LRRC4C: variants seen among roughly 807,000 people sequenced by gnomAD.
The protein encoded by LRRC4C is leucine rich repeat containing 4C, also known as leucine-rich repeat-containing protein 4C.
A neutral mutation model predicts 33.6 loss-of-function variants in LRRC4C; 5 were observed. The observed-to-expected ratio is 0.15, with a 90% CI of 0.08 to 0.31. LRRC4C has a LOEUF of 0.31. Ranked by LOEUF, LRRC4C falls within the 10% of genes least tolerant of loss-of-function variation. LRRC4C has a pLI of 1.00. For missense variants in LRRC4C, 560 were observed against 796.7 expected, an observed-to-expected ratio of 0.70 and a Z score of 3.58; for synonymous variants, 329 against 302.0, an observed-to-expected ratio of 1.09 and a Z score of -0.93.
At chr11:40,581,611 A>C (rs1240277087) in intron 3 of LRRC4C, among the ~76,000 whole-genome samples, 1 of 152,152 alleles carries the variant, frequency 6.6e-6, no homozygotes, top group Non-Finnish European at 1.5e-5. Context: ...TGCTTAAATA[A>C]AAAAAGAATA....
intron 2 of LRRC4C, among the ~76,000 whole-genome samples, chr11:40,712,955 C>G (rs187575363): frequency 2.7e-4 from 41 of 151,206 alleles, no homozygotes; most frequent in African/African-American, 9.2e-4. Context: ...GTGGTGTGAT[C>G]TTGGTTCACT....
At chr11:41,145,673 C>G (rs1943700353) in intron 1 of LRRC4C, among the ~76,000 whole-genome samples, 3 of 152,126 alleles carry the variant, frequency 2.0e-5, no homozygotes, top group Non-Finnish European at 4.4e-5. Flanking sequence ...GCCTTCCTTT[C>G]TAGACTGTCC....
At chr11:41,059,024 C>T (rs173315) in intron 1 of LRRC4C, among the ~76,000 whole-genome samples, 145,993 of 152,058 alleles carry the variant, frequency 0.96, 70,396 homozygotes, top group East Asian at 1. Flanking sequence ...TGGACACAAA[C>T]TAGGGAACAA....
chr11:40,658,549 T>G (rs1021532), intron 2 of LRRC4C, among the ~76,000 whole-genome samples: 54,659 of 151,882 alleles, frequency 0.36, 10,950 homozygotes, highest in East Asian at 0.61. Context: ...GGCTAGAGTT[T>G]TTAAGGGTTT....
At chr11:41,233,628 T>C (rs1947896620) in intron 1 of LRRC4C, among the ~76,000 whole-genome samples, 1 of 152,074 alleles carries the variant, frequency 6.6e-6, no homozygotes, top group African/African-American at 2.4e-5. Flanking sequence ...TCTTTAGATA[T>C]ATCAGTAATT....
chr11:40,156,199 C>T (rs1015296838), intron 5 of LRRC4C, among the ~76,000 whole-genome samples: 3 of 152,028 alleles, frequency 2.0e-5, no homozygotes, highest in Non-Finnish European at 4.4e-5. Flanking sequence ...AAGAGACATA[C>T]CTGAATGTAA....
intron 3 of LRRC4C, among the ~76,000 whole-genome samples, chr11:40,447,870 G>A (rs938114809): frequency 6.6e-6 from 1 of 152,178 alleles, no homozygotes; most frequent in African/African-American, 2.4e-5. Context: ...AGGCTGGAGT[G>A]CAATGGTGTG....
chr11:40,158,356 C>A (rs1318861313), intron 5 of LRRC4C, among the ~76,000 whole-genome samples: 1 of 151,928 alleles, frequency 6.6e-6, no homozygotes, highest in East Asian at 1.9e-4. Context: ...CTCACAAATA[C>A]CACTAAAAAA....
chr11:41,437,487 G>C lies in LRRC4C; in HGVS notation c.-496+21944C>G, dbSNP rs182254223. On this transcript the variant is annotated intron_variant, in intron 1 of 6. Coordinates refer to ENST00000528697, the MANE Select transcript of LRRC4C (RefSeq NM_001258419.2). Reference sequence around the variant, plus strand: ...TCCTCTAAACCAAGGATTTAATGTGGATTTAGTGCTTCAAAGATAGGAACA... The same window carrying C: ...TCCTCTAAACCAAGGATTTAATGTGCATTTAGTGCTTCAAAGATAGGAACA... Among the ~76,000 whole-genome samples, 855 of 151,750 alleles carry C rather than the reference G, an allele frequency of 5.6e-3. 11 individuals are homozygous for C. The highest frequency in any genetic ancestry group is 0.02 in the African/African-American group (829 of 41,348).
chr11:40,302,192 T>C (rs1408120642), intron 4 of LRRC4C, among the ~76,000 whole-genome samples: 1 of 152,220 alleles, frequency 6.6e-6, no homozygotes, highest in Non-Finnish European at 1.5e-5. Context: ...ACAGGGTGAC[T>C]GTTACGTGAG....
chr11:41,104,317 T>A (rs1405962969), intron 1 of LRRC4C, among the ~76,000 whole-genome samples: 1 of 151,922 alleles, frequency 6.6e-6, no homozygotes, highest in Non-Finnish European at 1.5e-5. Context: ...AATATGTATT[T>A]CACCAAAGAA....
intron 1 of LRRC4C, among the ~76,000 whole-genome samples, chr11:41,038,025 AATT>A (rs1328609034): frequency 6.6e-6 from 1 of 152,166 alleles, no homozygotes; most frequent in Non-Finnish European, 1.5e-5. Flanking sequence ...TATGCACAAA[AATT>A]ATTATTTCTA....
chr11:40,220,669 ATTTTT>A (rs1406145122), intron 5 of LRRC4C, among the ~76,000 whole-genome samples: 1 of 152,186 alleles, frequency 6.6e-6, no homozygotes, highest in Admixed American at 6.6e-5. Flanking sequence ...TAATAAATTC[ATTTTT>A]TTAACTTTTG....
chr11:41,122,418 T>C (rs1942487484), intron 1 of LRRC4C, among the ~76,000 whole-genome samples: 1 of 152,130 alleles, frequency 6.6e-6, no homozygotes, highest in Non-Finnish European at 1.5e-5. Flanking sequence ...CCTAGGAAGC[T>C]AGATCAAATT....
intron 4 of LRRC4C, among the ~76,000 whole-genome samples, chr11:40,243,488 C>T (rs995197659): frequency 6.6e-6 from 1 of 152,042 alleles, no homozygotes; most frequent in Non-Finnish European, 1.5e-5. Flanking sequence ...ATGAGTATGT[C>T]TCACAACTAG....
chr11:41,407,983 G>C (rs1954305901), intron 1 of LRRC4C, among the ~76,000 whole-genome samples: 1 of 152,244 alleles, frequency 6.6e-6, no homozygotes, highest in Admixed American at 6.5e-5. Flanking sequence ...TCCAGATTGG[G>C]AAAGAGAAGC....
chr11:40,952,300 T>C (rs1958729865), intron 1 of LRRC4C, among the ~76,000 whole-genome samples: 1 of 151,948 alleles, frequency 6.6e-6, no homozygotes. Context: ...TAAAATATTT[T>C]CAGGGTTTAT....
intron 6 of LRRC4C, among the ~76,000 whole-genome samples, chr11:40,129,649 A>T (rs1856510029): frequency 6.6e-6 from 1 of 152,212 alleles, no homozygotes; most frequent in Admixed American, 6.5e-5. Flanking sequence ...GAGAATTCCT[A>T]GAGTCAGCAA....
At chr11:41,209,046 A>G (rs977102336) in intron 1 of LRRC4C, among the ~76,000 whole-genome samples, 3 of 151,574 alleles carry the variant, frequency 2.0e-5, no homozygotes, top group Non-Finnish European at 4.4e-5. Flanking sequence ...TTTGAAGGGG[A>G]AAGGTGGGAG....
Sources: gnomAD v4.1 joint callset for allele counts (sites outside exome capture counted in the v4.1 genomes callset) on GRCh38, gnomAD v4.1.1 for gene constraint, MANE v1.5 for transcripts, NCBI Gene and HGNC (gene_info 2026-07-23, HGNC 2026-07-21) for gene names.